JMY: variants seen among roughly 807,000 people sequenced by gnomAD.
The protein encoded by JMY is junction mediating and regulatory protein, p53 cofactor.
In JMY, 46 loss-of-function variants were observed where a neutral mutation model predicts 103.3. The ratio of observed to expected loss-of-function variants is 0.45; its 90% CI spans 0.35 to 0.57. The LOEUF (loss-of-function observed/expected upper bound fraction) is 0.57. Ranked by LOEUF, JMY falls within the 20% of genes least tolerant of loss-of-function variation. The pLI is 0.00. For synonymous variants in JMY, 526 were observed against 489.3 expected (o/e 1.07, Z -0.99); for missense variants, 1,238 against 1,255.2 (o/e 0.99, Z 0.21).
rs1332715378 is a variant in JMY at position 79,314,442 on chromosome 5, A to C, written c.2250A>C (p.Thr750=). ...TCAAGCGTGGGCCATCACAGACAAC[A>C]GAACCCCAGAGCCTTGTGCAACTTG... ...GRVKRGPSQT[T]EPQSLVQLED... The change falls in exon 9 of 11, where the codon ACA becomes ACC. Residue 750 remains threonine, a synonymous_variant. Coordinates refer to ENST00000396137, the MANE Select transcript of JMY (RefSeq NM_152405.5). The C allele has an allele frequency of 4.3e-6, 7 of 1,614,208 alleles. No homozygotes were observed. The highest frequency in any genetic ancestry group is 5.9e-6 in the Non-Finnish European group (7 of 1,180,028).
At chr5:79,279,040 C>CA (rs746905372) in intron 2 of JMY, among the ~76,000 whole-genome samples, 1 of 151,962 alleles carries the variant, frequency 6.6e-6, no homozygotes, top group Non-Finnish European at 1.5e-5. Context: ...AAGTATATTA[C>CA]AAAAAATTTT....
At chr5:79,299,493 A>G (rs1220905366) in intron 4 of JMY, among the ~76,000 whole-genome samples, 1 of 152,042 alleles carries the variant, frequency 6.6e-6, no homozygotes, top group Admixed American at 6.6e-5. Context: ...CAACCAAGCA[A>G]ACCTCACAGA....
intron 1 of JMY, among the ~76,000 whole-genome samples, chr5:79,257,822 G>C (rs2112061195): frequency 6.6e-6 from 1 of 152,144 alleles, no homozygotes; most frequent in Non-Finnish European, 1.5e-5. Flanking sequence ...GAGTGCAGTG[G>C]TGCAGTCTCG....
At chr5:79,241,342 A>G (rs1355119579) in intron 1 of JMY, among the ~76,000 whole-genome samples, 1 of 152,220 alleles carries the variant, frequency 6.6e-6, no homozygotes, top group Non-Finnish European at 1.5e-5. Context: ...TTTAAAATTA[A>G]TTTATTCTTA....
intron 1 of JMY, among the ~76,000 whole-genome samples, chr5:79,277,261 T>C (rs1482576518): frequency 6.6e-6 from 1 of 151,818 alleles, no homozygotes; most frequent in Non-Finnish European, 1.5e-5. Flanking sequence ...TTGAAGGAGG[T>C]GACAGGTAGA....
chr5:79,257,715 C>T (rs1418967049), intron 1 of JMY, among the ~76,000 whole-genome samples: 1 of 152,152 alleles, frequency 6.6e-6, no homozygotes, highest in African/African-American at 2.4e-5. Flanking sequence ...TTTACGGACC[C>T]CTCATGCCCC....
In JMY at chr5:79,312,496, C is replaced by G; in HGVS notation, c.2062C>G (p.Gln688Glu). The G allele has an allele frequency of 6.7e-7, 1 of 1,501,292 alleles. No individual in the cohort carries two copies. Among genetic ancestry groups the G allele is most frequent in the Non-Finnish European group, 9.0e-7 (1 of 1,110,068 alleles). The allele number at this position is 1,501,292 out of a possible 1,614,324, so 93.0% of individuals were successfully genotyped here. The change falls in exon 8 of 11, where the codon CAG becomes GAG. Residue 688 changes from glutamine to glutamate, a missense_variant and splice_region_variant. Physicochemically the swap from Gln to Glu is conservative, Grantham distance 29. Transcript: ENST00000396137. ...ACTGGATAGACTTCGAACATTTAAA[C>G]AGGTATTAAAAGTAATGGTCCATTT... ...RTLDRLRTFK[Q>E]RYPGQVILKS... is the part of the protein sequence containing the mutation.
rs1747546588 is a variant in JMY, at chr5:79,323,959, T to C, written c.*2357T>C. ...AAAAGAAGGAGGTTAAAGCAGAGTA[T>C]TGTTGGCAGCCAGCTATGCCCATCC... On this transcript the variant is annotated 3_prime_UTR_variant, in exon 11 of 11. Transcript: ENST00000396137. 6.6e-6 allele frequency: 1 copy of C among 152,206 alleles called. No individual in the cohort carries two copies. 9.4% of individuals were successfully genotyped at this position (152,206 alleles called of 1,614,324 possible). A position where few individuals can be genotyped will look rare whatever the true frequency, so the allele number is the denominator to read the frequency against.
At position 79,316,258 on chromosome 5, in the gene JMY, A is replaced by G; in HGVS notation, c.2918A>G (p.Glu973Gly). ...ALRRIKEASPESEDEEEALPC... is the reference protein window; with the variant it reads ...ALRRIKEASPGSEDEEEALPC... ...AGAAGAATTAAAGAAGCATCCCCAGAGTCAGAGGACGAAGAGGAGGCTTTA... is the reference window on the plus strand; with the variant it reads ...AGAAGAATTAAAGAAGCATCCCCAGGGTCAGAGGACGAAGAGGAGGCTTTA... Residue 973 changes from glutamate (E) to glycine (G), a missense_variant, in exon 10 of 11, where the codon GAG becomes GGG. Coordinates refer to ENST00000396137, the MANE Select transcript of JMY (RefSeq NM_152405.5). The G allele has an allele frequency of 6.2e-7, 1 of 1,613,840 alleles. No individual in the cohort carries two copies. The highest frequency in any genetic ancestry group is 8.5e-7 in the Non-Finnish European group (1 of 1,179,870).
chr5:79,282,018 A>T (rs758167209), intron 2 of JMY, among the ~76,000 whole-genome samples: 9 of 152,094 alleles, frequency 5.9e-5, no homozygotes, highest in Non-Finnish European at 1.0e-4. Flanking sequence ...ACACTGGCTA[A>T]CACGGTGAAA....
chr5:79,251,535 T>C (rs1180255332), intron 1 of JMY, among the ~76,000 whole-genome samples: 1 of 152,158 alleles, frequency 6.6e-6, no homozygotes, highest in Non-Finnish European at 1.5e-5. Context: ...CATTTGTCCT[T>C]TGTTTTGCAA....
chr5:79,243,122 A>G (rs1226282017), intron 1 of JMY, among the ~76,000 whole-genome samples: 2 of 152,132 alleles, frequency 1.3e-5, no homozygotes, highest in African/African-American at 4.8e-5. Flanking sequence ...TTTGTATCTT[A>G]ATGGCTAAGC....
At chr5:79,298,278 A>G (rs1746624755) in intron 4 of JMY, among the ~76,000 whole-genome samples, 1 of 152,192 alleles carries the variant, frequency 6.6e-6, no homozygotes, top group African/African-American at 2.4e-5. Context: ...TAACTTAACG[A>G]TTCCCCACTT....
chr5:79,259,354 G>A (rs1447104598), intron 1 of JMY, among the ~76,000 whole-genome samples: 1 of 152,200 alleles, frequency 6.6e-6, no homozygotes, highest in African/African-American at 2.4e-5. Flanking sequence ...GGGAGGAAGT[G>A]TGTGCGAAAT....
rs1747613738 is a variant in JMY at position 79,325,633 on chromosome 5, G to GT, written c.*4033dup. 6.6e-6 allele frequency: 1 copy of GT among 152,178 alleles called. No individual in the cohort carries two copies. The highest frequency in any genetic ancestry group is 6.5e-5 in the Admixed American group (1 of 15,272). The allele number at this position is 152,178 out of a possible 1,614,324, so 9.4% of individuals were successfully genotyped here. On this transcript the variant is annotated 3_prime_UTR_variant, in exon 11 of 11. Coordinates refer to ENST00000396137, the MANE Select transcript of JMY (RefSeq NM_152405.5). ...TGGAAGCACCTTACTGTTAGAGCAT[G>GT]TTGCATCTATTTAGTGCTACTGAAC...
At chr5:79,270,122 G>A (rs1371228755) in intron 1 of JMY, among the ~76,000 whole-genome samples, 3 of 151,678 alleles carry the variant, frequency 2.0e-5, no homozygotes, top group East Asian at 1.9e-4. Context: ...CTGCTTCCCA[G>A]TCTACACATT....
Position 79,237,022 on chromosome 5 carries a change from GGACCCGCGGCTGCGGAGTCCT to G in JMY, c.374_394del (p.Asp125_Pro131del), listed in dbSNP as rs1331605114. On this transcript the variant is annotated inframe_deletion, in exon 1 of 11. Coordinates refer to ENST00000396137, the MANE Select transcript of JMY (RefSeq NM_152405.5). The stretch of plus-strand genomic sequence containing the variant: ...CTCGGAGCACTCGCAGCCTTCTGGG[GGACCCGCGGCTGCGGAGTCCT>G]GGCAGCAAAGGGGCGGAGAGTCGTC... 6.7e-7 allele frequency: 1 copy of G among 1,499,540 alleles called. No individual in the cohort carries two copies. The allele number at this position is 1,499,540 out of a possible 1,614,324, so 92.9% of individuals were successfully genotyped here.
At chr5:79,256,516 C>T (rs115296509) in intron 1 of JMY, among the ~76,000 whole-genome samples, 7 of 152,230 alleles carry the variant, frequency 4.6e-5, no homozygotes, top group Non-Finnish European at 1.0e-4. Flanking sequence ...TGAGAATGTG[C>T]AGAGTCTCGT....
chr5:79,261,569 G>A (rs921992103), intron 1 of JMY, among the ~76,000 whole-genome samples: 1 of 151,980 alleles, frequency 6.6e-6, no homozygotes, highest in Admixed American at 6.6e-5. Flanking sequence ...AAAAAATAAA[G>A]TGCAGATTCA....
Sources: allele counts gnomAD v4.1 joint callset (sites outside exome capture counted in the v4.1 genomes callset), GRCh38; gene constraint gnomAD v4.1.1; transcripts MANE v1.5; gene names NCBI Gene and HGNC (gene_info 2026-07-23, HGNC 2026-07-21).